The following UNC13B variants were observed in gnomAD, a reference collection of about 807,000 sequenced individuals.
UNC13B encodes the protein unc-13 homolog B, also known as protein unc-13 homolog B.
Under a neutral mutation model 211.0 loss-of-function variants are expected in UNC13B, and 144 were observed. That is an observed-to-expected ratio of 0.68 (90% CI 0.60 to 0.78). The LOEUF (loss-of-function observed/expected upper bound fraction) is 0.78, where lower values mean the gene tolerates loss of function less well. UNC13B is among the 30% of genes least tolerant of loss of function. UNC13B has a pLI of 0.00. For missense variants in UNC13B, 1,777 were observed against 2,002.0 expected (o/e 0.89, Z 2.14); for synonymous variants, 709 against 725.8 (o/e 0.98, Z 0.37).
chr9:35,320,077 T>G (rs1446227698), intron 11 of UNC13B, among the ~76,000 whole-genome samples: 7 of 152,228 alleles, frequency 4.6e-5, no homozygotes, highest in Non-Finnish European at 1.0e-4. Flanking sequence ...TTTCACTGTT[T>G]TTTATGGCTG....
intron 11 of UNC13B, chr9:35,352,432 A>G: frequency 8.1e-7 from 1 of 1,232,152 alleles, no homozygotes; most frequent in Non-Finnish European, 1.0e-6. Flanking sequence ...TTGCCACCAG[A>G]GAAGAACCAA....
chr9:35,390,477 G>A (rs1440038813), intron 25 of UNC13B, 152 bp from the exon 26 acceptor site: 7 of 828,808 alleles, frequency 8.4e-6, no homozygotes, highest in Non-Finnish European at 1.3e-5. Context: ...CTGGCCCCTG[G>A]GCCCCTTTTC....
In UNC13B at chr9:35,304,362, G is replaced by C. The variant is rs142668589; in HGVS notation, c.4958G>C (p.Arg1653Pro). Residue 1653 changes from arginine (R) to proline (P), a missense_variant, in exon 9 of 40, where the codon CGT becomes CCT. By Grantham distance (103) the Arg-to-Pro change is moderately radical. Coordinates refer to ENST00000635942, the MANE Select transcript of UNC13B (RefSeq NM_001371189.2). ...CCACTAGATTTTTCAGGCTATAATC[G>C]TCAAAAGTTTAAAGGAGACTTTAGA... ...DQPLDFSGYN[R>P]QKFKGDFRSF... 1 of 398,440 alleles carries C rather than the reference G, an allele frequency of 2.5e-6. No individual in the cohort carries two copies. The highest frequency in any genetic ancestry group is 1.3e-4 in the South Asian group (1 of 7,850). 24.7% of individuals were successfully genotyped at this position (398,440 alleles called of 1,614,324 possible).
intron 6 of UNC13B, among the ~76,000 whole-genome samples, chr9:35,252,495 CAG>C (rs1402995516): frequency 6.6e-6 from 1 of 151,134 alleles, no homozygotes; most frequent in African/African-American, 2.4e-5. Context: ...TTTATAGTGA[CAG>C]GGTTTCACCT....
At chr9:35,198,982 G>A (rs1041826404) in intron 1 of UNC13B, among the ~76,000 whole-genome samples, 3 of 152,080 alleles carry the variant, frequency 2.0e-5, no homozygotes, top group Non-Finnish European at 4.4e-5. Context: ...TTTACATTAC[G>A]TATAACTCCT....
chr9:35,377,137 A>G (rs538526024), intron 15 of UNC13B, among the ~76,000 whole-genome samples: 4 of 152,314 alleles, frequency 2.6e-5, no homozygotes, highest in Non-Finnish European at 5.9e-5. Flanking sequence ...GGCCTTGAGC[A>G]ATTATTCATG....
At chr9:35,234,477 G>A (rs1045262962) in intron 3 of UNC13B, among the ~76,000 whole-genome samples, 1 of 152,188 alleles carries the variant, frequency 6.6e-6, no homozygotes, top group Non-Finnish European at 1.5e-5. Context: ...ATTTGAGGAT[G>A]TCACATATCT....
chr9:35,305,027 G>A lies in UNC13B; in HGVS notation c.5623G>A (p.Asp1875Asn), dbSNP rs747784828. ...TPQAKSGVKDDEIITTDSISV... is the reference protein window; with the variant it reads ...TPQAKSGVKDNEIITTDSISV... Reference sequence around the variant, plus strand: ...TCAGGCTAAATCAGGTGTAAAAGATGATGAAATCATTACAACAGACTCTAT... The same window carrying A: ...TCAGGCTAAATCAGGTGTAAAAGATAATGAAATCATTACAACAGACTCTAT... Residue 1875 changes from aspartate (D) to asparagine (N), a missense_variant, in exon 9 of 40, where the codon GAT becomes AAT. By Grantham distance (23) the Asp-to-Asn change is conservative. Coordinates refer to ENST00000635942, the MANE Select transcript of UNC13B (RefSeq NM_001371189.2). 1 of 398,840 alleles carries A rather than the reference G, an allele frequency of 2.5e-6. No individual in the cohort carries two copies. The highest frequency in any genetic ancestry group is 4.4e-6 in the Non-Finnish European group (1 of 226,026). 24.7% of individuals were successfully genotyped at this position (398,840 alleles called of 1,614,324 possible).
chr9:35,358,768 A>G (rs1564163092), intron 11 of UNC13B, among the ~76,000 whole-genome samples: 1 of 142,376 alleles, frequency 7.0e-6, no homozygotes, highest in Admixed American at 7.7e-5. Flanking sequence ...ATTTCGGCTC[A>G]CAGCAACCTC....
At chr9:35,400,783 AT>A (rs1190746384) in intron 37 of UNC13B, among the ~76,000 whole-genome samples, 1 of 152,234 alleles carries the variant, frequency 6.6e-6, no homozygotes, top group Non-Finnish European at 1.5e-5. Context: ...AATGGAAGCC[AT>A]GAGAAATGTG....
chr9:35,252,409 T>C (rs1046886722), intron 6 of UNC13B, among the ~76,000 whole-genome samples: 1 of 152,122 alleles, frequency 6.6e-6, no homozygotes, highest in Non-Finnish European at 1.5e-5. Flanking sequence ...AGTCTCCGCC[T>C]CCTGAGTTCC....
Position 35,198,955 on chromosome 9 carries a change from C to T in UNC13B, c.23-29060C>T, listed in dbSNP as rs186835778. On this transcript the variant is annotated intron_variant, in intron 1 of 39. Transcript: ENST00000635942. ...ATACATGTGCCATGTTGGTGTGCTG[C>T]GCCCGTTAACTCATCATTTACATTA... Among the ~76,000 whole-genome samples the T allele has an allele frequency of 5.3e-5, 8 of 152,256 alleles. No individual in the cohort carries two copies. In the East Asian group the frequency reaches 9.6e-4, roughly 18 times the overall value.
chr9:35,294,140 A>G lies in UNC13B; in HGVS notation c.527-1556A>G, dbSNP rs571853204. ...GGGGGTCATTTCCCTATTATCTTCA[A>G]TATGGCCCCATGTTTTACAATTCTG... On this transcript the variant is annotated intron_variant, in intron 7 of 39. Transcript: ENST00000635942. 1.1e-4 allele frequency among the ~76,000 whole-genome samples: 16 copies of G among 152,142 alleles called. No homozygotes were observed. In the South Asian group the frequency reaches 1.2e-3, roughly 12 times the overall value.
intron 1 of UNC13B, among the ~76,000 whole-genome samples, chr9:35,173,978 A>G (rs533475579): frequency 1.3e-5 from 2 of 152,210 alleles, no homozygotes. Context: ...AAATACCTAT[A>G]GCAAAGTATT....
At chr9:35,345,155 C>A (rs1040022393) in intron 11 of UNC13B, among the ~76,000 whole-genome samples, 1 of 151,978 alleles carries the variant, frequency 6.6e-6, no homozygotes, top group African/African-American at 2.4e-5. Flanking sequence ...CTCACAAGAG[C>A]AGGAGGTAGT....
rs192945935 is a variant in UNC13B, at chr9:35,266,443, G to A, written c.526+7393G>A. ...TGGCTGGAAGTGGTGGCTCATGCCT[G>A]TAATCCCAGCACTTTGGGAGGCCAA... is the stretch of plus-strand genomic sequence containing the variant. On this transcript the variant is annotated intron_variant, in intron 7 of 39. Transcript: ENST00000635942. Among the ~76,000 whole-genome samples, 291 of 152,328 alleles carry A rather than the reference G, an allele frequency of 1.9e-3. 4 individuals carry two copies. The highest frequency in any genetic ancestry group is 6.7e-3 in the African/African-American group (280 of 41,574).
At chr9:35,216,166 A>G (rs960273418) in intron 1 of UNC13B, among the ~76,000 whole-genome samples, 40 of 152,252 alleles carry the variant, frequency 2.6e-4, no homozygotes, top group African/African-American at 8.9e-4. Flanking sequence ...TCCTTGGATC[A>G]TCTCAACAGA....
rs1829648967 is a variant in UNC13B at position 35,300,939 on chromosome 9, C to G, written c.1535C>G (p.Pro512Arg). 2.5e-6 allele frequency: 1 copy of G among 398,824 alleles called. No individual in the cohort carries two copies. Among genetic ancestry groups the G allele is most frequent in the Non-Finnish European group, 4.4e-6 (1 of 226,014 alleles). The allele number at this position is 398,824 out of a possible 1,614,324, so 24.7% of individuals were successfully genotyped here. ...AGAACGCCTGGGGATCAAATACCACCTTTAACTATTGTCAAGAATGACAAG... is the reference window on the plus strand; with the variant it reads ...AGAACGCCTGGGGATCAAATACCACGTTTAACTATTGTCAAGAATGACAAG... ...EQRTPGDQIP[P>R]LTIVKNDKDT... The change falls in exon 9 of 40, where the codon CCT becomes CGT. Residue 512 changes from proline to arginine, a missense_variant. Physicochemically the swap from Pro to Arg is moderately radical, Grantham distance 103. Coordinates refer to ENST00000635942, the MANE Select transcript of UNC13B (RefSeq NM_001371189.2).
intron 11 of UNC13B, among the ~76,000 whole-genome samples, chr9:35,339,663 T>C (rs1436672195): frequency 6.6e-6 from 1 of 152,238 alleles, no homozygotes; most frequent in Non-Finnish European, 1.5e-5. Context: ...AGTTTGAAGA[T>C]TGTAACTGGA....
Sources: gnomAD v4.1 joint callset for allele counts (sites outside exome capture counted in the v4.1 genomes callset) on GRCh38, gnomAD v4.1.1 for gene constraint, MANE v1.5 for transcripts, NCBI Gene and HGNC (gene_info 2026-07-23, HGNC 2026-07-21) for gene names.